Variants in GAPVD1 observed in about 807,000 individuals in gnomAD.
GAPVD1 encodes the protein GTPase activating protein and VPS9 domains 1.
A neutral mutation model predicts 155.5 loss-of-function variants in GAPVD1; 35 were observed. The observed-to-expected ratio is 0.23, with a 90% CI of 0.17 to 0.30. The LOEUF (loss-of-function observed/expected upper bound fraction) is 0.30, where lower values mean the gene tolerates loss of function less well. Ranked by LOEUF, GAPVD1 falls within the 10% of genes least tolerant of loss-of-function variation. The pLI is 1.00. For missense variants in GAPVD1, 1,429 were observed against 1,775.7 expected, an observed-to-expected ratio of 0.80 and a Z score of 3.51; for synonymous variants, 636 against 619.7, an observed-to-expected ratio of 1.03 and a Z score of -0.39.
chr9:125,341,380 A>G (rs1847830115), intron 18 of GAPVD1, 116 bp downstream of exon 18: 1 of 608,856 alleles, frequency 1.6e-6, no homozygotes, highest in Non-Finnish European at 2.9e-6. Context: ...TTAAGTTTCT[A>G]GCTACTTTGA....
chr9:125,305,867 T>C (rs761517812), intron 6 of GAPVD1, among the ~76,000 whole-genome samples: 1 of 152,046 alleles, frequency 6.6e-6, no homozygotes, highest in Non-Finnish European at 1.5e-5. Flanking sequence ...TTGCCCAGAC[T>C]GGTCTTGACT....
At chr9:125,329,996 G>T in intron 12 of GAPVD1, 82 bp from the exon 13 acceptor site, 2 of 1,142,984 alleles carry the variant, frequency 1.7e-6, no homozygotes, top group Non-Finnish European at 2.5e-6. Flanking sequence ...GATTTTGTTA[G>T]CTAGTGTTTG....
intron 13 of GAPVD1, among the ~76,000 whole-genome samples, chr9:125,331,430 A>G (rs1375304386): frequency 1.3e-5 from 2 of 152,016 alleles, no homozygotes; most frequent in Non-Finnish European, 1.5e-5. Context: ...CGAACTCCTG[A>G]CCTCAGGTGA....
chr9:125,335,376 C>T (rs968028669), intron 15 of GAPVD1: 132 of 403,944 alleles, frequency 3.3e-4, no homozygotes, highest in African/African-American at 9.8e-4. Flanking sequence ...AAAATTTTTT[C>T]TTTTTTTTTT....
At chr9:125,345,244 G>A (rs554782973) in intron 19 of GAPVD1, among the ~76,000 whole-genome samples, 82 of 151,156 alleles carry the variant, frequency 5.4e-4, no homozygotes, top group African/African-American at 1.9e-3. Flanking sequence ...GCAGTGGCGC[G>A]ATCTCAGCTC....
In GAPVD1 at chr9:125,355,632, T is replaced by G. The variant is rs770496958; in HGVS notation, c.3758-12T>G. ...TATTAAACTATTTAAAAATTATTATTTTGCTTTGGAGACTTTCAGAAACTC... is the reference window on the plus strand; with the variant it reads ...TATTAAACTATTTAAAAATTATTATGTTGCTTTGGAGACTTTCAGAAACTC... On this transcript the variant is annotated splice_polypyrimidine_tract_variant and intron_variant, in intron 24 of 27. Transcript: ENST00000297933. 1 of 1,503,082 alleles carries G rather than the reference T, an allele frequency of 6.7e-7. No homozygotes were observed. The highest frequency in any genetic ancestry group is 1.2e-5 in the South Asian group (1 of 83,908). 93.1% of individuals were successfully genotyped at this position (1,503,082 alleles called of 1,614,324 possible). A position where few individuals can be genotyped will look rare whatever the true frequency, so the allele number is the denominator to read the frequency against.
Position 125,337,264 on chromosome 9 carries a change from A to G in GAPVD1, c.2550A>G (p.Pro850=). 8 of 1,614,192 alleles carry G rather than the reference A, an allele frequency of 5.0e-6. No individual in the cohort carries two copies. Among genetic ancestry groups the G allele is most frequent in the South Asian group, 2.2e-5 (2 of 91,080 alleles). The part of the protein sequence containing the change: ...VVRPKVHYAR[P]SHPPPDPPIL... The stretch of plus-strand genomic sequence containing the variant: ...GGCCAAAGGTTCACTATGCTAGGCC[A>G]TCGCATCCACCACCAGATCCCCCAA... The change falls in exon 17 of 28, where the codon CCA becomes CCG. Residue 850 remains proline (P), a synonymous_variant. Transcript: ENST00000297933.
rs750577421 is a variant in GAPVD1 at position 125,302,215 on chromosome 9, T to G, written c.418T>G (p.Cys140Gly). The G allele has an allele frequency of 7.4e-6, 12 of 1,613,842 alleles. No individual in the cohort carries two copies. Among genetic ancestry groups the G allele is most frequent in the Non-Finnish European group, 1.0e-5 (12 of 1,179,728 alleles). Residue 140 changes from cysteine (C) to glycine (G), a missense_variant, in exon 5 of 28, where the codon TGC becomes GGC. By Grantham distance (159) the Cys-to-Gly change is radical. Transcript: ENST00000297933. Reference protein sequence around the residue: ...YTVFTSLYGNCIMQEDESYLL... With the variant: ...YTVFTSLYGNGIMQEDESYLL... ...AGTTTTTACCTCCCTGTATGGCAAT[T>G]GCATCATGCAAGAAGATGAAAGCTA...
At chr9:125,346,697 A>G (rs753789875) in intron 19 of GAPVD1, 122 bp from the exon 20 acceptor site, 4 of 802,248 alleles carry the variant, frequency 5.0e-6, no homozygotes, top group Non-Finnish European at 8.9e-6. Context: ...ACATTGAGAT[A>G]TGTGCTCTTT....
chr9:125,307,506 A>C lies in GAPVD1; in HGVS notation c.1210A>C (p.Arg404=). 1 of 1,611,328 alleles carries C rather than the reference A, an allele frequency of 6.2e-7. No individual in the cohort carries two copies. Among genetic ancestry groups the C allele is most frequent in the Non-Finnish European group, 8.5e-7 (1 of 1,177,442 alleles). ...CGTCAATCTTCTGGAAGGATTGAGCAGAACTGTGGTTTATATAACCTACAG... is the reference window on the plus strand; with the variant it reads ...CGTCAATCTTCTGGAAGGATTGAGCCGAACTGTGGTTTATATAACCTACAG... The part of the protein sequence containing the change: ...SSVNLLEGLS[R]TVVYITYSQL... The change falls in exon 7 of 28, where the codon AGA becomes CGA. Residue 404 remains arginine (R), a synonymous_variant. Coordinates refer to ENST00000297933, the MANE Select transcript of GAPVD1 (RefSeq NM_001282680.3).
Position 125,366,492 on chromosome 9 carries a change from T to A in GAPVD1, c.*3746T>A, listed in dbSNP as rs1422511784. On this transcript the variant is annotated 3_prime_UTR_variant, in exon 28 of 28. Coordinates refer to ENST00000297933, the MANE Select transcript of GAPVD1 (RefSeq NM_001282680.3). ...CTTCCTCAATTGGTGCTTCCTAGAT[T>A]TTTCTCTCCCATCTCTTCCTGCTTT... The A allele has an allele frequency of 1.3e-5, 2 of 152,216 alleles. No homozygotes were observed. Among genetic ancestry groups the A allele is most frequent in the African/African-American group, 4.8e-5 (2 of 41,456 alleles). 9.4% of individuals were successfully genotyped at this position (152,216 alleles called of 1,614,324 possible). A position where few individuals can be genotyped will look rare whatever the true frequency, so the allele number is the denominator to read the frequency against.
chr9:125,314,758 A>G (rs1480462762), intron 9 of GAPVD1, among the ~76,000 whole-genome samples: 2 of 152,090 alleles, frequency 1.3e-5, no homozygotes, highest in African/African-American at 4.8e-5. Flanking sequence ...TAGAATTGTG[A>G]AATTGTGACC....
At chr9:125,271,315 G>T (rs1834876917) in intron 2 of GAPVD1, among the ~76,000 whole-genome samples, 1 of 151,242 alleles carries the variant, frequency 6.6e-6, no homozygotes, top group South Asian at 2.1e-4. Flanking sequence ...AAAGCATGTT[G>T]TCAGACGTGT....
chr9:125,298,481 ATTTTTT>A (rs34644117), intron 3 of GAPVD1, among the ~76,000 whole-genome samples: 12,257 of 89,108 alleles, frequency 0.14, 643 homozygotes, highest in Middle Eastern at 0.17. Context: ...ATGTAACCTA[ATTTTTT>A]TTTTTTTTTT....
At chr9:125,341,101 A>C (rs1847790681) in intron 17 of GAPVD1, 76 bp from the exon 18 acceptor site, 1 of 843,650 alleles carries the variant, frequency 1.2e-6, no homozygotes, top group Non-Finnish European at 2.1e-6. Context: ...AAACAAAAAC[A>C]AACAAAAAGA....
intron 9 of GAPVD1, among the ~76,000 whole-genome samples, chr9:125,319,787 G>A (rs1488495198): frequency 6.6e-6 from 1 of 151,904 alleles, no homozygotes; most frequent in Non-Finnish European, 1.5e-5. Flanking sequence ...TTTTAGTAGA[G>A]ATGGGATTTT....
intron 1 of GAPVD1, among the ~76,000 whole-genome samples, chr9:125,267,819 C>G (rs1278915313): frequency 6.6e-6 from 1 of 152,074 alleles, no homozygotes; most frequent in East Asian, 1.9e-4. Flanking sequence ...CCTCCCAAAG[C>G]TTTGGGATTA....
intron 4 of GAPVD1, among the ~76,000 whole-genome samples, chr9:125,300,773 G>A (rs1000935113): frequency 6.6e-5 from 10 of 151,532 alleles, no homozygotes; most frequent in Non-Finnish European, 2.9e-5. Flanking sequence ...TGACATTTGT[G>A]CACTTTACTG....
At chr9:125,318,451 C>T (rs1480359098) in intron 9 of GAPVD1, among the ~76,000 whole-genome samples, 3 of 152,094 alleles carry the variant, frequency 2.0e-5, no homozygotes, top group East Asian at 1.9e-4. Context: ...TTCTGTATGG[C>T]GTCTCAAAAT....
Sources: allele counts gnomAD v4.1 joint callset (sites outside exome capture counted in the v4.1 genomes callset), GRCh38; gene constraint gnomAD v4.1.1; transcripts MANE v1.5; gene names NCBI Gene and HGNC (gene_info 2026-07-23, HGNC 2026-07-21).